ZNF106: variants seen among roughly 807,000 people sequenced by gnomAD.
The protein encoded by ZNF106 is SH3-domain binding protein 3.
A neutral mutation model predicts 195.1 loss-of-function variants in ZNF106; 67 were observed. The observed-to-expected ratio is 0.34, with a 90% confidence interval of 0.28 to 0.42. The LOEUF (loss-of-function observed/expected upper bound fraction) is 0.42. Among genes scored for constraint, ZNF106 ranks in the 10% least tolerant of loss-of-function variants. ZNF106 has a pLI of 1.00. For synonymous variants in ZNF106, 784 were observed against 818.6 expected (o/e 0.96, Z 0.72); for missense variants, 2,118 against 2,304.5 (o/e 0.92, Z 1.66).
At chr15:42,468,212 G>A (rs1268873685) in intron 2 of ZNF106, among the ~76,000 whole-genome samples, 1 of 151,156 alleles carries the variant, frequency 6.6e-6, no homozygotes, top group East Asian at 2.0e-4. Flanking sequence ...GAGTAGCCTC[G>A]ATTACAGGCA....
intron 10 of ZNF106, among the ~76,000 whole-genome samples, chr15:42,440,862 A>G (rs1052541960): frequency 1.3e-5 from 2 of 149,486 alleles, no homozygotes; most frequent in Admixed American, 6.7e-5. Context: ...GGGCGCCTGT[A>G]ATCCCAGCTA....
chr15:42,416,576 C>T lies in ZNF106; in HGVS notation c.*728G>A, dbSNP rs1044752466. 2.0e-5 allele frequency: 3 copies of T among 152,254 alleles called. No homozygotes were observed. Among genetic ancestry groups the T allele is most frequent in the Admixed American group, 1.3e-4 (2 of 15,286 alleles). 9.4% of individuals were successfully genotyped at this position (152,254 alleles called of 1,614,324 possible). A position where few individuals can be genotyped will look rare whatever the true frequency, so the allele number is the denominator to read the frequency against. On this transcript the variant is annotated 3_prime_UTR_variant, in exon 22 of 22. Coordinates refer to ENST00000564754, the MANE Select transcript of ZNF106 (RefSeq NM_001366845.3). ...GATGTAAAGGTAGACGTTAGGTCTA[C>T]GCACTGCCTCACACTGAGCTTTCTA...
Position 42,421,140 on chromosome 15 carries a change from AAG to A in ZNF106, c.5446-10_5446-9del. ...ATAACAGCCAGTGTAAATCTGGAGA[AAG>A]AGAGGTTTATAATATCAGACCAAAA... On this transcript the variant is annotated splice_polypyrimidine_tract_variant and intron_variant, in intron 19 of 21. Coordinates refer to ENST00000564754, the MANE Select transcript of ZNF106 (RefSeq NM_001366845.3). 2.5e-6 allele frequency: 4 copies of A among 1,613,914 alleles called. No individual in the cohort carries two copies. The African/African-American group carries it at 4.0e-5, about 16-fold the overall frequency.
chr15:42,453,552 TTATA>T (rs2056119761), intron 4 of ZNF106, among the ~76,000 whole-genome samples: 1 of 152,196 alleles, frequency 6.6e-6, no homozygotes, highest in Non-Finnish European at 1.5e-5. Context: ...GCTAAGCACC[TTATA>T]TAGATTATCT....
In ZNF106 at chr15:42,422,798, G is replaced by A. The variant is rs1260322962; in HGVS notation, c.5254-178C>T. On this transcript the variant is annotated intron_variant, in intron 17 of 21. Coordinates refer to ENST00000564754, the MANE Select transcript of ZNF106 (RefSeq NM_001366845.3). ...AACTGTATTAACTTTAATAGCAGAA[G>A]TATCCCACAATCATTTATTACATAT... 2.0e-5 allele frequency among the ~76,000 whole-genome samples: 3 copies of A among 150,928 alleles called. No homozygotes were observed. In the East Asian group the frequency reaches 5.8e-4, roughly 29 times the overall value.
At chr15:42,463,238 G>A (rs1001057310) in intron 3 of ZNF106, among the ~76,000 whole-genome samples, 2 of 152,122 alleles carry the variant, frequency 1.3e-5, no homozygotes, top group African/African-American at 4.8e-5. Flanking sequence ...TAGTGCATAT[G>A]GGTAGGGTGG....
intron 16 of ZNF106, chr15:42,424,580 T>C: frequency 2.4e-6 from 1 of 409,162 alleles, no homozygotes; most frequent in East Asian, 4.3e-5. Flanking sequence ...CGATCTTTGG[T>C]GCTCAAGTGA....
intron 15 of ZNF106, chr15:42,425,721 G>A (rs2054828912): frequency 6.6e-6 from 1 of 152,090 alleles, no homozygotes; most frequent in Non-Finnish European, 1.5e-5. Flanking sequence ...GGATGGTCTT[G>A]AACTCCTAAC....
At chr15:42,467,047 C>T (rs2056534226) in intron 2 of ZNF106, among the ~76,000 whole-genome samples, 1 of 152,100 alleles carries the variant, frequency 6.6e-6, no homozygotes, top group Middle Eastern at 3.2e-3. Context: ...GCAGGAGAAT[C>T]GCTTGAACCC....
chr15:42,457,601 G>T, intron 3 of ZNF106: 2 of 952,266 alleles, frequency 2.1e-6, no homozygotes, highest in Non-Finnish European at 2.5e-6. Flanking sequence ...AAGTTAAGGG[G>T]TGGAAACAAG....
intron 1 of ZNF106, among the ~76,000 whole-genome samples, chr15:42,487,498 A>AAC (rs995534391): frequency 9.3e-5 from 14 of 151,078 alleles, no homozygotes; most frequent in Non-Finnish European, 1.8e-4. Context: ...CTCAAAAAAA[A>AAC]AAAAAAAAAA....
Position 42,439,370 on chromosome 15 carries a change from T to G in ZNF106, c.4207A>C (p.Lys1403Gln). 2 of 1,614,158 alleles carry G rather than the reference T, an allele frequency of 1.2e-6. No homozygotes were observed. The highest frequency in any genetic ancestry group is 1.7e-6 in the Non-Finnish European group (2 of 1,180,030). ...SDTEQDVLTV[K>Q]PVRKVKAGKL... is the part of the protein sequence containing the mutation. ...CCAGCTTTTACTTTCCTTACAGGTT[T>G]AACAGTCAAAACATCCTGTTCAGTG... is the stretch of plus-strand genomic sequence containing the variant. The change falls in exon 11 of 22, where the codon AAA becomes CAA. Residue 1403 changes from lysine to glutamine, a missense_variant. Physicochemically the swap from Lys to Gln is moderately conservative, Grantham distance 53. Transcript: ENST00000564754.
intron 1 of ZNF106, among the ~76,000 whole-genome samples, chr15:42,476,313 G>A (rs2056784347): frequency 6.6e-6 from 1 of 152,134 alleles, no homozygotes. Flanking sequence ...ACTGTAATTA[G>A]CCCAGTCTTC....
rs548274700 is a variant in ZNF106, at chr15:42,444,776, A to G, written c.3360+51T>C. 9 of 1,602,004 alleles carry G rather than the reference A, an allele frequency of 5.6e-6. No individual in the cohort carries two copies. The East Asian group carries it at 1.8e-4, about 32-fold the overall frequency. The stretch of plus-strand genomic sequence containing the variant: ...CCAGACATGGGTTTGGCAGCACAAA[A>G]CAAGATTTCGGAGATGATCCATTTT... On this transcript the variant is annotated intron_variant, in intron 8 of 21. Transcript: ENST00000564754.
At chr15:42,435,227 T>C (rs914215749) in intron 14 of ZNF106, among the ~76,000 whole-genome samples, 157 bp downstream of exon 14, 1 of 152,248 alleles carries the variant, frequency 6.6e-6, no homozygotes, top group Non-Finnish European at 1.5e-5. Flanking sequence ...GTAAGTCTCA[T>C]ATCTACCTAG....
chr15:42,439,841 A>G, intron 10 of ZNF106, 28 bp from the exon 11 acceptor site: 1 of 1,492,240 alleles, frequency 6.7e-7, no homozygotes, highest in Non-Finnish European at 8.9e-7. Context: ...AAATTATTGC[A>G]TCCTTTTTTG....
chr15:42,473,680 T>C (rs749542053), intron 1 of ZNF106, among the ~76,000 whole-genome samples: 16 of 152,170 alleles, frequency 1.1e-4, no homozygotes, highest in Non-Finnish European at 2.1e-4. Context: ...ATTCCCCTAT[T>C]AACCTGCTTA....
At chr15:42,431,629 C>T (rs1279820001) in intron 14 of ZNF106, among the ~76,000 whole-genome samples, 2 of 151,634 alleles carry the variant, frequency 1.3e-5, no homozygotes, top group African/African-American at 2.4e-5. Flanking sequence ...TCAGACGCAC[C>T]ACACCCAGCT....
At chr15:42,487,513 A>AAAAC (rs2057044041) in intron 1 of ZNF106, among the ~76,000 whole-genome samples, 1 of 150,554 alleles carries the variant, frequency 6.6e-6, no homozygotes, top group Non-Finnish European at 1.5e-5. Context: ...AAAAAAAAAA[A>AAAAC]AGCTTTTAGG....
Sources: allele counts gnomAD v4.1 joint callset (sites outside exome capture counted in the v4.1 genomes callset), GRCh38; gene constraint gnomAD v4.1.1; transcripts MANE v1.5; gene names NCBI Gene and HGNC (gene_info 2026-07-23, HGNC 2026-07-21).